RAD51B: variants seen among roughly 807,000 people sequenced by gnomAD.
RAD51B encodes the protein RAD51 paralog B, also known as DNA repair protein RAD51 homolog 2.
A neutral mutation model predicts 42.2 loss-of-function variants in RAD51B; 38 were observed. That is an observed-to-expected ratio of 0.90 (90% CI 0.70 to 1.18). The LOEUF (loss-of-function observed/expected upper bound fraction) is 1.18. Ranked by LOEUF, RAD51B falls within the 50% of genes most tolerant of loss-of-function variation. RAD51B has a pLI of 0.00. For synonymous variants in RAD51B, 154 were observed against 145.2 expected (o/e 1.06, Z -0.43); for missense variants, 373 against 400.7 (o/e 0.93, Z 0.59).
intron 7 of RAD51B, among the ~76,000 whole-genome samples, chr14:68,173,308 C>T (rs2078907190): frequency 6.6e-6 from 1 of 152,188 alleles, no homozygotes; most frequent in Admixed American, 6.5e-5. Context: ...TAAGGTCAGA[C>T]TTCAAGATAG....
chr14:68,466,898 G>A (rs970011942), intron 9 of RAD51B, among the ~76,000 whole-genome samples: 16 of 152,190 alleles, frequency 1.1e-4, no homozygotes, highest in Admixed American at 4.6e-4. Context: ...CCAAGCCTAT[G>A]ACTAAAACCT....
chr14:68,470,897 G>C (rs2140239445), intron 10 of RAD51B, among the ~76,000 whole-genome samples: 1 of 150,796 alleles, frequency 6.6e-6, no homozygotes, highest in South Asian at 2.1e-4. Context: ...GCTCAGCCCA[G>C]TTGTACCCTT....
chr14:68,475,435 C>T (rs1882491907), intron 10 of RAD51B, among the ~76,000 whole-genome samples: 3 of 152,116 alleles, frequency 2.0e-5, no homozygotes, highest in African/African-American at 7.2e-5. Flanking sequence ...CTCTTTGGTT[C>T]CAGACTCTAA....
intron 10 of RAD51B, among the ~76,000 whole-genome samples, chr14:68,559,951 T>C (rs1024922057): frequency 2.2e-4 from 33 of 152,188 alleles, no homozygotes; most frequent in Non-Finnish European, 3.4e-4. Flanking sequence ...TTGTTTTGGA[T>C]GAGAAGACCC....
chr14:67,976,794 G>T (rs1026248989), intron 7 of RAD51B, among the ~76,000 whole-genome samples: 1 of 152,152 alleles, frequency 6.6e-6, no homozygotes, highest in Admixed American at 6.5e-5. Flanking sequence ...CAGAATGGGA[G>T]AAAATTTTTG....
At chr14:68,660,938 C>G (rs898173944) in intron 11 of RAD51B, among the ~76,000 whole-genome samples, 2 of 152,150 alleles carry the variant, frequency 1.3e-5, no homozygotes, top group Non-Finnish European at 2.9e-5. Flanking sequence ...GAGTGGCTGT[C>G]CCACATCTGC....
chr14:68,017,755 G>A (rs555106148), intron 7 of RAD51B, among the ~76,000 whole-genome samples: 4 of 151,832 alleles, frequency 2.6e-5, no homozygotes, highest in African/African-American at 4.8e-5. Context: ...GGCAGATCAC[G>A]AGGTCAAGAG....
intron 7 of RAD51B, among the ~76,000 whole-genome samples, chr14:68,087,900 TTATATAATTATATAATATATTA>T (rs1555353524): frequency 1.3e-5 from 1 of 77,796 alleles, no homozygotes; most frequent in Admixed American, 1.4e-4. Flanking sequence ...AATATATTAT[TTATATAATTATATAATATATTA>T]TATATAATTA....
At position 67,868,209 on chromosome 14, in the gene RAD51B, C is replaced by T. The variant is rs368388778; in HGVS notation, c.452+3070C>T. 1.4e-4 allele frequency among the ~76,000 whole-genome samples: 22 copies of T among 152,144 alleles called. No individual in the cohort carries two copies. In the East Asian group the frequency reaches 1.9e-3, roughly 13 times the overall value. ...TCACTAGGGAGTGCCAAACAGTGGG[C>T]GCAGGTCAGTGGGTGCCCGCACCAC... On this transcript the variant is annotated intron_variant, in intron 5 of 10. Transcript: ENST00000471583.
rs560760034 is a variant in RAD51B at position 68,590,610 on chromosome 14, C to G, written c.1037-3875C>G. On this transcript the variant is annotated intron_variant, in intron 10 of 10. Coordinates refer to the RAD51B transcript ENST00000487270. ...GCCTGAGGACTGGAACTGAACTTCT[C>G]ACTGCAGGTATAAATAAATCTACCT... Among the ~76,000 whole-genome samples the G allele has an allele frequency of 5.9e-5, 9 of 152,314 alleles. 2 individuals carry two copies. In the South Asian group the frequency reaches 1.9e-3, roughly 32 times the overall value.
chr14:68,400,859 C>T (rs750444886), intron 8 of RAD51B, among the ~76,000 whole-genome samples: 3 of 151,918 alleles, frequency 2.0e-5, no homozygotes, highest in Non-Finnish European at 4.4e-5. Flanking sequence ...AACTTATTTG[C>T]AAAGGTCAAG....
At chr14:68,426,963 G>T (rs2084866271) in intron 9 of RAD51B, among the ~76,000 whole-genome samples, 1 of 152,190 alleles carries the variant, frequency 6.6e-6, no homozygotes, top group Non-Finnish European at 1.5e-5. Context: ...TCCCAGAGGA[G>T]CATTTCTCTG....
chr14:68,105,367 A>G (rs904941884), intron 7 of RAD51B, among the ~76,000 whole-genome samples: 1 of 151,984 alleles, frequency 6.6e-6, no homozygotes, highest in Admixed American at 6.6e-5. Flanking sequence ...ATAATTTAAA[A>G]ATTGATGTAT....
chr14:68,476,124 A>C (rs564531118), intron 10 of RAD51B, among the ~76,000 whole-genome samples: 1 of 152,276 alleles, frequency 6.6e-6, no homozygotes, highest in East Asian at 1.9e-4. Context: ...AAGTTTAATC[A>C]AAAGCCAACT....
intron 7 of RAD51B, among the ~76,000 whole-genome samples, chr14:68,078,275 A>G (rs147243393): frequency 2.0e-4 from 31 of 152,318 alleles, no homozygotes; most frequent in South Asian, 1.4e-3. Flanking sequence ...CAGCCTCCCA[A>G]GTAGCTGGGA....
chr14:68,629,453 T>C (rs1892174065), intron 10 of RAD51B, among the ~76,000 whole-genome samples: 1 of 152,186 alleles, frequency 6.6e-6, no homozygotes, highest in South Asian at 2.1e-4. Flanking sequence ...AGACACAAAA[T>C]GTGGGCGTTA....
In RAD51B at chr14:67,887,024, T is replaced by C. The variant is rs775150306; in HGVS notation, c.576T>C (p.Ile192=). The C allele has an allele frequency of 6.8e-7, 1 of 1,478,850 alleles. No homozygotes were observed. The highest frequency in any genetic ancestry group is 9.2e-7 in the Non-Finnish European group (1 of 1,085,302). The allele number at this position is 1,478,850 out of a possible 1,614,324, so 91.6% of individuals were successfully genotyped here. The part of the protein sequence containing the change: ...ELTCDEVLQR[I]ESLEEEIISK... Reference sequence around the variant, plus strand: ...TTTATAAATTCTTCTTTTATAGGATTGAATCTTTGGAAGAAGAAATTATCT... The same window carrying C: ...TTTATAAATTCTTCTTTTATAGGATCGAATCTTTGGAAGAAGAAATTATCT... The change falls in exon 7 of 11, where the codon ATT becomes ATC. Residue 192 remains isoleucine (I), a synonymous_variant. Coordinates refer to ENST00000471583, the MANE Select transcript of RAD51B (RefSeq NM_133510.4).
intron 7 of RAD51B, among the ~76,000 whole-genome samples, chr14:68,271,687 C>A (rs933954203): frequency 6.6e-6 from 1 of 152,106 alleles, no homozygotes; most frequent in East Asian, 1.9e-4. Flanking sequence ...AATACTATGG[C>A]CTGCCTCACA....
intron 10 of RAD51B, among the ~76,000 whole-genome samples, chr14:68,490,920 G>A (rs1172233345): frequency 6.6e-6 from 1 of 152,224 alleles, no homozygotes; most frequent in East Asian, 1.9e-4. Context: ...CCTCCTCAGA[G>A]GGGCCTTACA....
Sources: gnomAD v4.1 joint callset for allele counts (sites outside exome capture counted in the v4.1 genomes callset) on GRCh38, gnomAD v4.1.1 for gene constraint, MANE v1.5 for transcripts, NCBI Gene and HGNC (gene_info 2026-07-23, HGNC 2026-07-21) for gene names.